The following TTLL11 variants were observed in gnomAD, a reference collection of about 807,000 sequenced individuals.
TTLL11 encodes the protein tubulin polyglutamylase TTLL11.
Under a neutral mutation model 51.7 loss-of-function variants are expected in TTLL11, and 42 were observed. The ratio of observed to expected loss-of-function variants is 0.81; its 90% CI spans 0.64 to 1.05. The LOEUF is 1.05. TTLL11 is among the 50% of genes least tolerant of loss of function. The pLI, the probability that TTLL11 is intolerant of heterozygous loss-of-function variation, is 0.00. For missense variants in TTLL11, 799 were observed against 940.4 expected (o/e 0.85, Z 1.97); for synonymous variants, 381 against 383.5 (o/e 0.99, Z 0.08).
chr9:122,079,894 G>A lies in TTLL11; in HGVS notation c.462+12793C>T, dbSNP rs139559476. ...TAGAATCCCAGCACTTTGGGAGGCC[G>A]AGGTGGAAGGATCACTTGAGGCTAG... On this transcript the variant is annotated intron_variant, in intron 1 of 8. Coordinates refer to ENST00000321582, the MANE Select transcript of TTLL11 (RefSeq NM_001139442.2). 8.6e-3 allele frequency among the ~76,000 whole-genome samples: 1,305 copies of A among 152,182 alleles called. 3 individuals are homozygous for A. The highest frequency in any genetic ancestry group is 0.015 in the South Asian group (70 of 4,812).
chr9:121,886,661 CA>C (rs1388103163), intron 6 of TTLL11, among the ~76,000 whole-genome samples: 5 of 152,294 alleles, frequency 3.3e-5, no homozygotes, highest in Admixed American at 6.5e-5. Context: ...ACTTTTTAGG[CA>C]GCCCTAGGAA....
intron 1 of TTLL11, among the ~76,000 whole-genome samples, chr9:122,067,499 A>C (rs1039070580): frequency 2.0e-5 from 3 of 152,062 alleles, no homozygotes; most frequent in Non-Finnish European, 4.4e-5. Context: ...AGGATACAAA[A>C]CTCTATGTGA....
At chr9:121,938,158 G>A (rs1056422420) in intron 6 of TTLL11, among the ~76,000 whole-genome samples, 1 of 151,860 alleles carries the variant, frequency 6.6e-6, no homozygotes, top group African/African-American at 2.4e-5. Flanking sequence ...GCATGGTGGT[G>A]GGCACCTGTA....
At chr9:121,950,800 G>C (rs4837921) in intron 6 of TTLL11, among the ~76,000 whole-genome samples, 1 of 152,066 alleles carries the variant, frequency 6.6e-6, no homozygotes, top group East Asian at 1.9e-4. Context: ...GGCTCCTAAC[G>C]ACACGAGCTC....
intron 8 of TTLL11, among the ~76,000 whole-genome samples, chr9:121,826,217 T>TATATATATATATATATACAC (rs1491163835): frequency 1.7e-5 from 1 of 58,114 alleles, no homozygotes; most frequent in African/African-American, 7.4e-5. Context: ...TATATATATA[T>TATATATATATATATATACAC]GCACACATAT....
At chr9:121,895,544 G>A (rs948079125) in intron 6 of TTLL11, among the ~76,000 whole-genome samples, 7 of 149,506 alleles carry the variant, frequency 4.7e-5, no homozygotes, top group Admixed American at 2.0e-4. Flanking sequence ...TGTGTGTTTC[G>A]TTGTACATAT....
At chr9:121,988,501 C>A (rs1471398589) in intron 4 of TTLL11, among the ~76,000 whole-genome samples, 1 of 152,050 alleles carries the variant, frequency 6.6e-6, no homozygotes, top group Non-Finnish European at 1.5e-5. Flanking sequence ...GCTTCCCACT[C>A]ACCCCTCTGG....
At chr9:121,872,494 C>T (rs141372664) in intron 6 of TTLL11, among the ~76,000 whole-genome samples, 15 of 152,328 alleles carry the variant, frequency 9.8e-5, no homozygotes, top group African/African-American at 3.4e-4. Context: ...GAATCCATTG[C>T]ATTGAAAAAG....
At chr9:122,016,170 G>T (rs1163636982) in intron 3 of TTLL11, among the ~76,000 whole-genome samples, 1 of 152,220 alleles carries the variant, frequency 6.6e-6, no homozygotes, top group Non-Finnish European at 1.5e-5. Flanking sequence ...GCAGCAGCTT[G>T]GAAGTGGCAG....
At chr9:121,885,518 C>G (rs1483887544) in intron 6 of TTLL11, 1 of 152,194 alleles carries the variant, frequency 6.6e-6, no homozygotes, top group Non-Finnish European at 1.5e-5. Flanking sequence ...TCACCACGAC[C>G]CTTTGAGGTT....
At chr9:122,062,093 T>G (rs561155250) in intron 1 of TTLL11, among the ~76,000 whole-genome samples, 1 of 152,222 alleles carries the variant, frequency 6.6e-6, no homozygotes, top group Non-Finnish European at 1.5e-5. Flanking sequence ...CACAGCCCCA[T>G]TGGGGCACAC....
intron 6 of TTLL11, among the ~76,000 whole-genome samples, chr9:121,894,964 G>T (rs1430810745): frequency 6.7e-6 from 1 of 150,218 alleles, no homozygotes; most frequent in Non-Finnish European, 1.5e-5. Context: ...TAAGATGGGA[G>T]AATTCATGGT....
chr9:122,071,304 C>T (rs1419312226), intron 1 of TTLL11, among the ~76,000 whole-genome samples: 4 of 152,078 alleles, frequency 2.6e-5, no homozygotes, highest in African/African-American at 9.7e-5. Context: ...GCAATGAGGC[C>T]TTTATTAAAT....
chr9:122,042,354 G>GTA (rs1443694993), intron 1 of TTLL11, among the ~76,000 whole-genome samples: 1 of 152,174 alleles, frequency 6.6e-6, no homozygotes, highest in African/African-American at 2.4e-5. Flanking sequence ...ATCAAATAGT[G>GTA]TATACAATCA....
At chr9:122,006,843 A>G (rs890984626) in intron 3 of TTLL11, among the ~76,000 whole-genome samples, 4 of 151,858 alleles carry the variant, frequency 2.6e-5, no homozygotes, top group African/African-American at 9.7e-5. Flanking sequence ...AAAATTAGCC[A>G]GGTGTGGTGG....
rs368078385 is a variant in TTLL11, at chr9:121,890,388, G to A, written c.1482-19640C>T. 5.9e-5 allele frequency among the ~76,000 whole-genome samples: 9 copies of A among 152,100 alleles called. No homozygotes were observed. Among genetic ancestry groups the A allele is most frequent in the African/African-American group, 1.7e-4 (7 of 41,394 alleles). On this transcript the variant is annotated intron_variant, in intron 6 of 8. Coordinates refer to ENST00000321582, the MANE Select transcript of TTLL11 (RefSeq NM_001139442.2). The surrounding 1 kb of genome is among the most constrained non-coding windows in gnomAD (Gnocchi z 4.3). The stretch of plus-strand genomic sequence containing the variant: ...AGCCTCTTCACCAGTTTCCTGGCTC[G>A]CAACCTCCGCTTCCAATGTGTCCTT...
chr9:121,996,778 C>T (rs1032574443), intron 3 of TTLL11, among the ~76,000 whole-genome samples: 1 of 152,234 alleles, frequency 6.6e-6, no homozygotes, highest in Non-Finnish European at 1.5e-5. Flanking sequence ...CTTTCATTCT[C>T]GTTCTGAACA....
chr9:121,957,325 G>C (rs545935199), intron 6 of TTLL11, among the ~76,000 whole-genome samples: 3 of 152,262 alleles, frequency 2.0e-5, no homozygotes, highest in African/African-American at 7.2e-5. Context: ...TGGTCAATCT[G>C]TCCCTACAGA....
At chr9:121,862,949 C>G (rs937986500) in intron 7 of TTLL11, among the ~76,000 whole-genome samples, 2 of 152,186 alleles carry the variant, frequency 1.3e-5, no homozygotes, top group Non-Finnish European at 2.9e-5. Context: ...CAAGCGCACC[C>G]CTAATGACAG....
Sources: gnomAD v4.1 joint callset for allele counts (sites outside exome capture counted in the v4.1 genomes callset) on GRCh38, gnomAD v4.1.1 for gene constraint, Gnocchi (gnomAD v3.1) non-coding constraint, MANE v1.5 for transcripts, NCBI Gene and HGNC (gene_info 2026-07-23, HGNC 2026-07-21) for gene names.